Variants in COA8 observed in about 807,000 individuals in gnomAD.
COA8 encodes the protein cytochrome c oxidase assembly factor 8.
A neutral mutation model predicts 22.0 loss-of-function variants in COA8; 20 were observed. The observed-to-expected ratio is 0.91, with a 90% CI of 0.64 to 1.32. COA8 has a LOEUF of 1.32. Among genes scored for constraint, COA8 ranks in the 40% most tolerant of loss-of-function variants. The pLI is 0.00. For missense variants in COA8, 266 were observed against 230.0 expected (o/e 1.16, Z -1.01); for synonymous variants, 105 against 79.9 (o/e 1.31, Z -1.68).
rs190563062 is a variant in COA8, at chr14:103,581,720, C to T, written c.386-5554C>T. 5.0e-6 allele frequency: 2 copies of T among 398,270 alleles called. No individual in the cohort carries two copies. Among genetic ancestry groups the T allele is most frequent in the Admixed American group, 4.4e-5 (1 of 22,726 alleles). 24.7% of individuals were successfully genotyped at this position (398,270 alleles called of 1,614,324 possible). A position where few individuals can be genotyped will look rare whatever the true frequency, so the allele number is the denominator to read the frequency against. The stretch of plus-strand genomic sequence containing the variant: ...CCAGATGACGTAGGAAATGGCAGAA[C>T]TGAAGGGAAAAGCAGAGCAGGGGGC... On this transcript the variant is annotated intron_variant, in intron 3 of 4. Coordinates refer to ENST00000409074, the MANE Select transcript of COA8 (RefSeq NM_001370595.2). This position sits in a 1 kb window ranked among gnomAD's most constrained non-coding sequence, Gnocchi z 4.1.
chr14:103,580,778 C>T (rs1214694714), intron 3 of COA8, among the ~76,000 whole-genome samples: 1 of 151,150 alleles, frequency 6.6e-6, no homozygotes, highest in African/African-American at 2.4e-5. Context: ...CAGGCGTGAG[C>T]CACTATCCTT....
rs1157855665 is a variant in COA8 at position 103,563,097 on chromosome 14, C to T, written c.96C>T (p.Ala32=). The T allele has an allele frequency of 3.9e-6, 6 of 1,539,686 alleles. No individual in the cohort carries two copies. The highest frequency in any genetic ancestry group is 1.7e-4 in the Middle Eastern group (1 of 5,892). Reference sequence around the variant, plus strand: ...GTCAACTCGCTCCGGAGCGCGGCGCCGAGCGCAGGGATACGGCGCCCAGCG... The same window carrying T: ...GTCAACTCGCTCCGGAGCGCGGCGCTGAGCGCAGGGATACGGCGCCCAGCG... ...RGCQLAPERG[A]ERRDTAPSGV... Residue 32 remains alanine (A), a synonymous_variant, in exon 1 of 5, where the codon GCC becomes GCT. Transcript: ENST00000409074.
chr14:103,587,354 T>G lies in COA8; in HGVS notation c.466T>G (p.Tyr156Asp). 1.2e-6 allele frequency: 2 copies of G among 1,611,110 alleles called. No individual in the cohort carries two copies. The highest frequency in any genetic ancestry group is 1.7e-6 in the Non-Finnish European group (2 of 1,177,718). The stretch of plus-strand genomic sequence containing the variant: ...AAGTAAAAATTTTCAGAAGCACATG[T>G]ATTATAACAGGTAGGTGTTTACTCT... ...FLSKNFQKHMYYNRDWYKRNF... is the reference protein window; with the variant it reads ...FLSKNFQKHMDYNRDWYKRNF... Residue 156 changes from tyrosine (Y) to aspartate (D), a missense_variant, in exon 4 of 5, where the codon TAT (tyrosine) becomes GAT (aspartate). Physicochemically the swap from Tyr to Asp is radical, Grantham distance 160. Transcript: ENST00000409074.
Position 103,571,661 on chromosome 14 carries a change from T to C in COA8, c.162T>C (p.Asp54=). ...GCCCTCCAAGAAAGTCTTGCCATGATTGGATAGGACCCCCAGATAAATATT... is the reference window on the plus strand; with the variant it reads ...GCCCTCCAAGAAAGTCTTGCCATGACTGGATAGGACCCCCAGATAAATATT... The part of the protein sequence containing the change: ...RFCPPRKSCH[D]WIGPPDKYSN... The change falls in exon 2 of 5, where the codon GAT becomes GAC. Residue 54 remains aspartate (D), a synonymous_variant. Transcript: ENST00000409074. 1 of 1,614,242 alleles carries C rather than the reference T, an allele frequency of 6.2e-7. No individual in the cohort carries two copies. Among genetic ancestry groups the C allele is most frequent in the Non-Finnish European group, 8.5e-7 (1 of 1,180,042 alleles).
rs1042437050 is a variant in COA8, at chr14:103,568,466, T to TAA, written c.124-3156_124-3155insAA. On this transcript the variant is annotated intron_variant, in intron 1 of 4. Coordinates refer to ENST00000409074, the MANE Select transcript of COA8 (RefSeq NM_001370595.2). ...ATATACACACACATACATACATACA[T>TAA]ACACACACACATATATACACACATA... Among the ~76,000 whole-genome samples the TAA allele has an allele frequency of 1.5e-4, 22 of 151,168 alleles. No individual in the cohort carries two copies. In the East Asian group the frequency reaches 4.1e-3, roughly 28 times the overall value.
At chr14:103,585,125 A>G (rs995791868) in intron 3 of COA8, among the ~76,000 whole-genome samples, 4 of 149,904 alleles carry the variant, frequency 2.7e-5, no homozygotes, top group African/African-American at 7.4e-5. Flanking sequence ...GTGACAGAGC[A>G]AGACTCTGTC....
rs559024082 is a variant in COA8 at position 103,590,339 on chromosome 14, C to T, written c.*53C>T. On this transcript the variant is annotated 3_prime_UTR_variant, in exon 5 of 5. Coordinates refer to ENST00000409074, the MANE Select transcript of COA8 (RefSeq NM_001370595.2). ...AGGTTTCCACAGGAAGCAGATGGAG[C>T]TCCTTTCACAGGGGCTCTGAGAAAA... is the stretch of plus-strand genomic sequence containing the variant. The T allele has an allele frequency of 2.9e-5, 44 of 1,493,760 alleles. No homozygotes were observed. The East Asian group carries it at 6.4e-4, about 22-fold the overall frequency. The allele number at this position is 1,493,760 out of a possible 1,614,324, so 92.5% of individuals were successfully genotyped here.
At position 103,571,721 on chromosome 14, in the gene COA8, A is replaced by G; in HGVS notation, c.222A>G (p.Glu74=). Reference sequence around the variant, plus strand: ...GACCTGTTCACTTTTACATACCTGAAAATGAATCTCCATTGGAACAAAAGC... The same window carrying G: ...GACCTGTTCACTTTTACATACCTGAGAATGAATCTCCATTGGAACAAAAGC... The part of the protein sequence containing the change: ...NLRPVHFYIP[E]NESPLEQKLR... Residue 74 remains glutamate (E), a synonymous_variant, in exon 2 of 5, where the codon GAA becomes GAG. Coordinates refer to ENST00000409074, the MANE Select transcript of COA8 (RefSeq NM_001370595.2). 3 of 1,614,222 alleles carry G rather than the reference A, an allele frequency of 1.9e-6. No homozygotes were observed. The highest frequency in any genetic ancestry group is 2.5e-6 in the Non-Finnish European group (3 of 1,180,038).
At chr14:103,580,160 T>G (rs972097857) in intron 3 of COA8, among the ~76,000 whole-genome samples, 1 of 151,856 alleles carries the variant, frequency 6.6e-6, no homozygotes, top group Non-Finnish European at 1.5e-5. Context: ...CCCTGGAGCT[T>G]CAACCTCCCA....
chr14:103,566,353 G>A (rs1222538869), intron 1 of COA8, among the ~76,000 whole-genome samples: 1 of 152,204 alleles, frequency 6.6e-6, no homozygotes, highest in African/African-American at 2.4e-5. Flanking sequence ...CCAGGAGGCA[G>A]AGGTTGCAGT....
At chr14:103,586,103 G>A (rs1481931135) in intron 3 of COA8, among the ~76,000 whole-genome samples, 1 of 150,746 alleles carries the variant, frequency 6.6e-6, no homozygotes, top group Non-Finnish European at 1.5e-5. Context: ...GTTTCAGCAC[G>A]TTGGCCAGGC....
At position 103,574,103 on chromosome 14, in the gene COA8, T is replaced by TTTTTGTA; in HGVS notation, c.322-4_322-3insTTTTGTA. Reference sequence around the variant, plus strand: ...CTTTTTTTTTTTTTTTTTTTTTTTTTAAGGAAAAAGAAGAATTTATTCACT... The same window carrying TTTTTGTA: ...CTTTTTTTTTTTTTTTTTTTTTTTTTTTTTGTAAAGGAAAAAGAAGAATTTATTCACT... On this transcript the variant is annotated splice_region_variant and splice_polypyrimidine_tract_variant and intron_variant, in intron 2 of 4. Coordinates refer to ENST00000409074, the MANE Select transcript of COA8 (RefSeq NM_001370595.2). The TTTTTGTA allele has an allele frequency of 2.0e-6, 3 of 1,484,216 alleles. No homozygotes were observed. Among genetic ancestry groups the TTTTTGTA allele is most frequent in the Non-Finnish European group, 2.7e-6 (3 of 1,115,534 alleles). The allele number at this position is 1,484,216 out of a possible 1,614,324, so 91.9% of individuals were successfully genotyped here.
At chr14:103,564,116 G>A (rs1468954968) in intron 1 of COA8, among the ~76,000 whole-genome samples, 2 of 151,806 alleles carry the variant, frequency 1.3e-5, no homozygotes, top group Non-Finnish European at 2.9e-5. Flanking sequence ...TCGCGCCACT[G>A]CACTCCAGCC....
intron 1 of COA8, chr14:103,567,423 T>C (rs2076144176): frequency 6.6e-6 from 1 of 151,636 alleles, no homozygotes; most frequent in African/African-American, 2.4e-5. Context: ...ACAGCGGCAG[T>C]ATTGTAGCCA....
intron 3 of COA8, among the ~76,000 whole-genome samples, chr14:103,578,379 T>C (rs1192695540): frequency 6.6e-6 from 1 of 152,092 alleles, no homozygotes; most frequent in Non-Finnish European, 1.5e-5. Context: ...GAAAAATGAG[T>C]GATTGAATTT....
intron 1 of COA8, 139 bp downstream of exon 1, chr14:103,563,263 C>G (rs1303204168): frequency 1.7e-6 from 2 of 1,179,414 alleles, no homozygotes; most frequent in South Asian, 1.3e-5. Context: ...CCCGAACAGT[C>G]CCGCAGCCCC....
At chr14:103,576,594 T>C (rs2076232184) in intron 3 of COA8, among the ~76,000 whole-genome samples, 1 of 152,210 alleles carries the variant, frequency 6.6e-6, no homozygotes, top group Non-Finnish European at 1.5e-5. Flanking sequence ...TGGCCTGTGC[T>C]CAGACGCTAG....
chr14:103,568,524 CACAT>C (rs768716330), intron 1 of COA8, among the ~76,000 whole-genome samples: 15 of 150,824 alleles, frequency 9.9e-5, no homozygotes, highest in South Asian at 2.1e-4. Flanking sequence ...TATATACACA[CACAT>C]ACACATATAC....
intron 3 of COA8, among the ~76,000 whole-genome samples, chr14:103,586,914 C>A (rs891810468): frequency 6.6e-6 from 1 of 151,766 alleles, no homozygotes; most frequent in African/African-American, 2.4e-5. Context: ...ATGTTGGCCA[C>A]GCTGGTCATG....
Sources: gnomAD v4.1 joint callset for allele counts (sites outside exome capture counted in the v4.1 genomes callset) on GRCh38, gnomAD v4.1.1 for gene constraint, Gnocchi (gnomAD v3.1) non-coding constraint, MANE v1.5 for transcripts, NCBI Gene and HGNC (gene_info 2026-07-23, HGNC 2026-07-21) for gene names.